C9orf85: variants seen among roughly 807,000 people sequenced by gnomAD.
C9orf85 encodes the protein uncharacterized protein C9orf85.
C9orf85 carries 16 observed loss-of-function variants against 14.9 expected under a neutral mutation model. The observed-to-expected ratio is 1.08, with a 90% confidence interval of 0.73 to 1.63. C9orf85 has a LOEUF of 1.63. Ranked by LOEUF, C9orf85 falls within the 40% of genes most tolerant of loss-of-function variation. The pLI is 0.00. For missense variants in C9orf85, 172 were observed against 186.1 expected (o/e 0.92, Z 0.44); for synonymous variants, 45 against 56.8 (o/e 0.79, Z 0.93).
chr9:71,975,286 TAAC>T (rs989315635), downstream of C9orf85, among the ~76,000 whole-genome samples: 46 of 151,436 alleles, frequency 3.0e-4, no homozygotes, highest in African/African-American at 1.0e-3. Flanking sequence ...CTACTAAAAA[TAAC>T]AAAAACTAGC....
At chr9:71,967,967 TTTTTCACATCTAATAACATCA>T (rs1822743781) in intron 2 of C9orf85, among the ~76,000 whole-genome samples, 1 of 152,144 alleles carries the variant, frequency 6.6e-6, no homozygotes, top group South Asian at 2.1e-4. Context: ...TTGTAAAGCT[TTTTTCACATCTAATAACATCA>T]TCATATGGTT....
Position 71,971,612 on chromosome 9 carries a change from T to A in C9orf85, c.317T>A (p.Val106Asp). The part of the protein sequence containing the change: ...CAKCGKKEDI[V>D]IPLNKETEKI... Reference sequence around the variant, plus strand: ...AAATGTGGAAAGAAAGAAGACATTGTTATTCCGTGAGTGTTTCCTTTTATG... The same window carrying A: ...AAATGTGGAAAGAAAGAAGACATTGATATTCCGTGAGTGTTTCCTTTTATG... The change falls in exon 3 of 4, where the codon GTT becomes GAT. Residue 106 changes from valine (V) to aspartate (D), a missense_variant. Val to Asp is a radical substitution (Grantham distance 152). Transcript: ENST00000334731. 6 of 1,596,696 alleles carry A rather than the reference T, an allele frequency of 3.8e-6. No homozygotes were observed. The highest frequency in any genetic ancestry group is 5.2e-6 in the Non-Finnish European group (6 of 1,164,844).
At chr9:71,964,175 T>G (rs550864969) in intron 2 of C9orf85, among the ~76,000 whole-genome samples, 1 of 152,150 alleles carries the variant, frequency 6.6e-6, no homozygotes, top group Non-Finnish European at 1.5e-5. Context: ...CTAGCTAATC[T>G]GGTGGGGACG....
chr9:71,971,867 G>A (rs1322508440), intron 3 of C9orf85, among the ~76,000 whole-genome samples: 5 of 151,640 alleles, frequency 3.3e-5, no homozygotes, highest in Admixed American at 6.6e-5. Flanking sequence ...CCAATTACTC[G>A]GGAGTCTAAG....
intron 2 of C9orf85, among the ~76,000 whole-genome samples, chr9:71,950,430 C>T (rs556409523): frequency 5.9e-5 from 9 of 152,224 alleles, no homozygotes; most frequent in Admixed American, 3.3e-4. Context: ...TGCAATGGTA[C>T]GGTCTCAGCT....
intron 1 of C9orf85, among the ~76,000 whole-genome samples, chr9:71,946,619 CCT>C (rs1822093476): frequency 6.6e-6 from 1 of 151,784 alleles, no homozygotes; most frequent in African/African-American, 2.4e-5. Flanking sequence ...ATGGTGAAAC[CCT>C]GTCTCTACTA....
chr9:71,918,313 T>C, intron 1 of C9orf85: 1 of 558,490 alleles, frequency 1.8e-6, no homozygotes, highest in Non-Finnish European at 2.8e-6. Context: ...AAGACAACTA[T>C]TTTATTCTTC....
At position 71,938,400 on chromosome 9, in the gene C9orf85, G is replaced by T. The variant is rs1442724780; in HGVS notation, c.103-8606G>T. ...ATTATGTGTACTCATTCTAAGTTTGGTCATTTTTTTAAAAATATAAGTCAG... is the reference window on the plus strand; with the variant it reads ...ATTATGTGTACTCATTCTAAGTTTGTTCATTTTTTTAAAAATATAAGTCAG... On this transcript the variant is annotated intron_variant, in intron 1 of 3. Coordinates refer to ENST00000334731, the MANE Select transcript of C9orf85 (RefSeq NM_182505.5). Among the ~76,000 whole-genome samples the T allele has an allele frequency of 4.6e-5, 7 of 151,948 alleles. No homozygotes were observed. The South Asian group carries it at 1.0e-3, about 22-fold the overall frequency.
exon 4 of C9orf85, chr9:71,982,887 A>G (rs1017069785): frequency 4.8e-5 from 12 of 249,890 alleles, no homozygotes; most frequent in African/African-American, 2.7e-4. Flanking sequence ...GCCTGCCTCA[A>G]CCTCCCAAAG....
chr9:71,921,928 T>TATTATTATTA lies in C9orf85; in HGVS notation c.102+10092_102+10093insATTATTATTA, dbSNP rs1554705989. Among the ~76,000 whole-genome samples the TATTATTATTA allele has an allele frequency of 4.7e-3, 533 of 113,844 alleles. 2 individuals carry two copies. Among genetic ancestry groups the TATTATTATTA allele is most frequent in the African/African-American group, 0.014 (483 of 33,552 alleles). The allele number at this position is 113,844 out of a possible 152,430, so 74.7% of individuals were successfully genotyped here. A position where few individuals can be genotyped will look rare whatever the true frequency, so the allele number is the denominator to read the frequency against. On this transcript the variant is annotated intron_variant, in intron 1 of 3. Coordinates refer to ENST00000334731, the MANE Select transcript of C9orf85 (RefSeq NM_182505.5). The stretch of plus-strand genomic sequence containing the variant: ...GTTTTGGTTGGCTTTTTATTTTTTT[T>TATTATTATTA]TTATTATTATTATTATTATTATTAT...
chr9:71,941,822 T>C (rs1367006192), intron 1 of C9orf85: 1 of 152,210 alleles, frequency 6.6e-6, no homozygotes, highest in Non-Finnish European at 1.5e-5. Flanking sequence ...AACAGTATTG[T>C]GGTTAAGCAC....
chr9:71,983,973 C>T (rs1320426399), downstream of C9orf85: 7 of 152,098 alleles, frequency 4.6e-5, no homozygotes, highest in African/African-American at 1.7e-4. Flanking sequence ...CAATCAGGGA[C>T]TTTGTGAAAG....
chr9:71,929,290 A>G (rs1828013822), intron 1 of C9orf85, among the ~76,000 whole-genome samples: 1 of 152,194 alleles, frequency 6.6e-6, no homozygotes, highest in African/African-American at 2.4e-5. Context: ...ACAATAGTCC[A>G]TCAGTGGTTT....
downstream of C9orf85, chr9:71,984,163 G>T (rs1823160301): frequency 6.6e-6 from 1 of 152,150 alleles, no homozygotes; most frequent in Non-Finnish European, 1.5e-5. Flanking sequence ...GTTCTGTTTG[G>T]GGTTTCTTCC....
At chr9:71,918,850 C>G (rs965499508) in intron 1 of C9orf85, among the ~76,000 whole-genome samples, 3 of 152,014 alleles carry the variant, frequency 2.0e-5, no homozygotes, top group Non-Finnish European at 2.9e-5. Context: ...TTATATATTA[C>G]AATGTAATAA....
At chr9:71,963,042 G>A (rs566176389) in intron 2 of C9orf85, among the ~76,000 whole-genome samples, 1 of 152,166 alleles carries the variant, frequency 6.6e-6, no homozygotes, top group South Asian at 2.1e-4. Flanking sequence ...GGGGACAAGA[G>A]TGAAACTCCG....
intron 2 of C9orf85, among the ~76,000 whole-genome samples, chr9:71,954,398 C>T (rs1443774983): frequency 6.6e-6 from 1 of 151,846 alleles, no homozygotes; most frequent in Non-Finnish European, 1.5e-5. Context: ...CAATCCAGAC[C>T]CCAAGAGAGG....
chr9:71,923,666 C>T (rs776377003), intron 1 of C9orf85, among the ~76,000 whole-genome samples: 1 of 152,188 alleles, frequency 6.6e-6, no homozygotes, highest in Admixed American at 6.5e-5. Flanking sequence ...CTGTGGTACT[C>T]AGCTGACAGA....
chr9:71,937,622 C>T (rs1203975981), intron 1 of C9orf85, among the ~76,000 whole-genome samples: 8 of 152,130 alleles, frequency 5.3e-5, no homozygotes, highest in Non-Finnish European at 8.8e-5. Flanking sequence ...CTAGTATATA[C>T]TTTCACTTCT....
Sources: allele counts gnomAD v4.1 joint callset (sites outside exome capture counted in the v4.1 genomes callset), GRCh38; gene constraint gnomAD v4.1.1; transcripts MANE v1.5; gene names NCBI Gene and HGNC (gene_info 2026-07-23, HGNC 2026-07-21).